The following GRID1 variants were observed in gnomAD, a reference collection of about 807,000 sequenced individuals.
GRID1 encodes the protein glutamate receptor ionotropic, delta-1.
A neutral mutation model predicts 98.0 loss-of-function variants in GRID1; 28 were observed. The observed-to-expected ratio is 0.29, with a 90% CI of 0.21 to 0.39. The LOEUF (loss-of-function observed/expected upper bound fraction) is 0.39. Among genes scored for constraint, GRID1 ranks in the 10% least tolerant of loss-of-function variants. The pLI, the probability that GRID1 is intolerant of heterozygous loss-of-function variation, is 1.00. For missense variants in GRID1, 1,111 were observed against 1,340.5 expected (o/e 0.83, Z 2.67); for synonymous variants, 553 against 538.5 (o/e 1.03, Z -0.37).
At chr10:86,091,294 C>G (rs114655128) in intron 4 of GRID1, among the ~76,000 whole-genome samples, 8,724 of 152,184 alleles carry the variant, frequency 0.057, 287 homozygotes, top group African/African-American at 0.07. Context: ...GCTATTGTGG[C>G]GGGCACCGTG....
chr10:85,787,114 T>C (rs895173827), intron 8 of GRID1, among the ~76,000 whole-genome samples: 7 of 152,328 alleles, frequency 4.6e-5, no homozygotes, highest in Non-Finnish European at 7.3e-5. Context: ...GAGTTACTTA[T>C]ACACTCTCTG....
chr10:85,896,921 G>T (rs1442015522), intron 5 of GRID1, among the ~76,000 whole-genome samples: 1 of 152,100 alleles, frequency 6.6e-6, no homozygotes, highest in Non-Finnish European at 1.5e-5. Flanking sequence ...TTCCAACAAA[G>T]GAGAAGATTT....
chr10:86,048,640 G>C (rs1166157285), intron 4 of GRID1, among the ~76,000 whole-genome samples: 1 of 152,218 alleles, frequency 6.6e-6, no homozygotes, highest in Non-Finnish European at 1.5e-5. Context: ...CCCCTCTGGA[G>C]CCAGGGTTCT....
intron 4 of GRID1, among the ~76,000 whole-genome samples, chr10:86,072,853 G>A (rs1843823694): frequency 6.6e-6 from 1 of 152,234 alleles, no homozygotes. Flanking sequence ...AGGCGCAGGT[G>A]CCTGTATAGC....
intron 2 of GRID1, among the ~76,000 whole-genome samples, chr10:86,291,500 C>T (rs1282209541): frequency 6.6e-6 from 1 of 152,190 alleles, no homozygotes; most frequent in Non-Finnish European, 1.5e-5. Flanking sequence ...ACCAGCCCTG[C>T]CTCAGCCCAG....
At chr10:86,113,881 C>A (rs866873229) in intron 4 of GRID1, among the ~76,000 whole-genome samples, 27 of 152,230 alleles carry the variant, frequency 1.8e-4, no homozygotes, top group Admixed American at 1.5e-3. Flanking sequence ...AGCCACAGGA[C>A]AGCTTTTGCC....
At chr10:85,767,612 T>A (rs1264102555) in intron 8 of GRID1, among the ~76,000 whole-genome samples, 1 of 152,294 alleles carries the variant, frequency 6.6e-6, no homozygotes, top group African/African-American at 2.4e-5. Flanking sequence ...CAAGAGTCAC[T>A]GGGTCAGGGA....
chr10:85,789,348 C>T (rs1200713924), intron 8 of GRID1, among the ~76,000 whole-genome samples: 2 of 152,080 alleles, frequency 1.3e-5, no homozygotes, highest in Non-Finnish European at 2.9e-5. Context: ...GGGGAAGATG[C>T]CAGAGCAGCC....
chr10:86,069,177 T>C (rs1324339597), intron 4 of GRID1, among the ~76,000 whole-genome samples: 1 of 151,926 alleles, frequency 6.6e-6, no homozygotes, highest in Non-Finnish European at 1.5e-5. Context: ...AGGAGGGGGC[T>C]CTGCTCACCT....
At chr10:86,128,615 C>T (rs1229431992) in intron 4 of GRID1, among the ~76,000 whole-genome samples, 2 of 152,272 alleles carry the variant, frequency 1.3e-5, no homozygotes, top group Non-Finnish European at 2.9e-5. Flanking sequence ...AGCATACACA[C>T]GCCTGGTAAC....
intron 8 of GRID1, among the ~76,000 whole-genome samples, chr10:85,832,987 T>C (rs1403952763): frequency 6.6e-6 from 1 of 151,848 alleles, no homozygotes; most frequent in Non-Finnish European, 1.5e-5. Context: ...GGCAAGGAGA[T>C]CTCATCATTA....
chr10:85,737,349 A>T (rs1409405042), intron 8 of GRID1, among the ~76,000 whole-genome samples: 3 of 152,106 alleles, frequency 2.0e-5, no homozygotes, highest in Non-Finnish European at 4.4e-5. Context: ...GATACTTCCC[A>T]GTGGTGCTGG....
chr10:85,899,817 A>C (rs1203934119), intron 5 of GRID1, among the ~76,000 whole-genome samples: 1 of 152,200 alleles, frequency 6.6e-6, no homozygotes, highest in Non-Finnish European at 1.5e-5. Flanking sequence ...TCAGGCGTGA[A>C]AGTACCCAGA....
At chr10:86,028,877 G>A (rs779924833) in intron 4 of GRID1, among the ~76,000 whole-genome samples, 3 of 152,138 alleles carry the variant, frequency 2.0e-5, no homozygotes, top group African/African-American at 7.2e-5. Flanking sequence ...AAATCTAAAG[G>A]TAAGAAATGT....
At chr10:86,177,681 G>A (rs561998448) in intron 3 of GRID1, among the ~76,000 whole-genome samples, 3 of 151,550 alleles carry the variant, frequency 2.0e-5, no homozygotes, top group Admixed American at 1.3e-4. Flanking sequence ...CATTTGGTGT[G>A]TATGAGAGAA....
At position 86,169,218 on chromosome 10, in the gene GRID1, T is replaced by C. The variant is rs193049355; in HGVS notation, c.521-30194A>G. 7.2e-5 allele frequency among the ~76,000 whole-genome samples: 11 copies of C among 152,280 alleles called. No homozygotes were observed. The East Asian group carries it at 1.7e-3, about 24-fold the overall frequency. ...TCTGGAAACACTGCCCTGAGATAGA[T>C]AGGTGCCTTCCGGCAATGACCTTAG... On this transcript the variant is annotated intron_variant, in intron 3 of 15. Transcript: ENST00000327946.
chr10:86,248,563 CTTTTTT>C (rs200060771), intron 2 of GRID1, among the ~76,000 whole-genome samples: 4 of 121,852 alleles, frequency 3.3e-5, no homozygotes, highest in South Asian at 5.5e-4. Context: ...CATGACAATT[CTTTTTT>C]TTTTTTTTTT....
At chr10:85,976,148 ATAAGAAGCATT>A (rs1842469780) in intron 4 of GRID1, among the ~76,000 whole-genome samples, 1 of 152,146 alleles carries the variant, frequency 6.6e-6, no homozygotes, top group Admixed American at 6.5e-5. Context: ...CCCTTAATTA[ATAAGAAGCATT>A]TATTTTCTCT....
chr10:85,961,436 C>G (rs546271301), intron 4 of GRID1, among the ~76,000 whole-genome samples: 2 of 152,276 alleles, frequency 1.3e-5, no homozygotes, highest in East Asian at 3.9e-4. Context: ...CCTCCCGCCA[C>G]TTGGGTCCTG....
Sources: gnomAD v4.1 joint callset for allele counts (sites outside exome capture counted in the v4.1 genomes callset) on GRCh38, gnomAD v4.1.1 for gene constraint, MANE v1.5 for transcripts, NCBI Gene and HGNC (gene_info 2026-07-23, HGNC 2026-07-21) for gene names.